ARSB: variants seen among roughly 807,000 people sequenced by gnomAD.
ARSB encodes the protein N-acetylgalactosamine-4-sulfatase.
In ARSB, 41 loss-of-function variants were observed where a neutral mutation model predicts 50.9. The observed-to-expected ratio is 0.81, with a 90% CI of 0.63 to 1.04. ARSB has a LOEUF of 1.04. Ranked by LOEUF, ARSB falls within the 50% of genes least tolerant of loss-of-function variation. The probability of loss-of-function intolerance (pLI) is 0.00; values close to 1 mark genes in which losing one functional copy is unlikely to be tolerated. For missense variants in ARSB, 672 were observed against 693.3 expected, an observed-to-expected ratio of 0.97 and a Z score of 0.35; for synonymous variants, 269 against 284.8, an observed-to-expected ratio of 0.94 and a Z score of 0.56.
intron 2 of ARSB, among the ~76,000 whole-genome samples, chr5:78,965,067 AG>A (rs1190305381): frequency 2.8e-4 from 43 of 152,330 alleles, no homozygotes; most frequent in African/African-American, 9.6e-4. Flanking sequence ...AAGTGGTTCT[AG>A]GAAGAGTCAT....
intron 4 of ARSB, among the ~76,000 whole-genome samples, chr5:78,889,390 A>G (rs1748179711): frequency 6.6e-6 from 1 of 152,238 alleles, no homozygotes; most frequent in Non-Finnish European, 1.5e-5. Flanking sequence ...CTTGTTAAGA[A>G]TTCATATTCA....
rs1554074343 is a variant in ARSB at position 78,841,168 on chromosome 5, C to CTAATAA, written c.1143-1748_1143-1743dup. On this transcript the variant is annotated intron_variant, in intron 5 of 7. Transcript: ENST00000264914. ...ACTACTACTACTACTACTACTACTA[C>CTAATAA]TAATAATAATAATAATTTGAGCATG... Among the ~76,000 whole-genome samples the CTAATAA allele has an allele frequency of 8.0e-3, 1,055 of 131,978 alleles. 13 individuals are homozygous for CTAATAA. The highest frequency in any genetic ancestry group is 0.023 in the African/African-American group (808 of 35,050). 86.6% of individuals were successfully genotyped at this position (131,978 alleles called of 152,430 possible).
chr5:78,866,654 T>TGGGCAGCTGAGATGCTGAGAGAG (rs1746758037), intron 5 of ARSB, among the ~76,000 whole-genome samples: 1 of 152,088 alleles, frequency 6.6e-6, no homozygotes, highest in African/African-American at 2.4e-5. Flanking sequence ...GTGGCTGCCT[T>TGGGCAGCTGAGATGCTGAGAGAG]GGGCAGCTGA....
chr5:78,906,010 C>G (rs6865582), intron 4 of ARSB, among the ~76,000 whole-genome samples: 66,957 of 151,040 alleles, frequency 0.44, 15,170 homozygotes, highest in East Asian at 0.52. Context: ...TAGGTGCCTG[C>G]ACCCCACCAC....
At chr5:78,936,129 C>CTT (rs56884992) in intron 4 of ARSB, among the ~76,000 whole-genome samples, 3,306 of 88,918 alleles carry the variant, frequency 0.037, 298 homozygotes, top group African/African-American at 0.15. Flanking sequence ...CTCTCTCTCT[C>CTT]TTTTTTTTTT....
chr5:78,897,318 A>G (rs552461887), intron 4 of ARSB, among the ~76,000 whole-genome samples: 63 of 152,256 alleles, frequency 4.1e-4, no homozygotes, highest in Non-Finnish European at 6.8e-4. Flanking sequence ...CTCACTAACT[A>G]TCAGTAACAC....
At chr5:78,847,094 T>A (rs1200361125) in intron 5 of ARSB, among the ~76,000 whole-genome samples, 1 of 152,190 alleles carries the variant, frequency 6.6e-6, no homozygotes, top group East Asian at 1.9e-4. Flanking sequence ...AACTTTGGGA[T>A]AAATCCCACT....
At chr5:78,802,103 A>G (rs946026322) in intron 6 of ARSB, among the ~76,000 whole-genome samples, 2 of 151,972 alleles carry the variant, frequency 1.3e-5, no homozygotes, top group Admixed American at 6.5e-5. Context: ...TCCCTGCTGC[A>G]AAGGTCTTTG....
At chr5:78,882,017 T>C (rs1049089110) in intron 5 of ARSB, among the ~76,000 whole-genome samples, 3 of 152,250 alleles carry the variant, frequency 2.0e-5, no homozygotes, top group East Asian at 1.9e-4. Flanking sequence ...GCTAATAGCC[T>C]GAGTGGGGAA....
intron 5 of ARSB, among the ~76,000 whole-genome samples, chr5:78,866,502 T>A (rs1161958729): frequency 6.6e-6 from 1 of 152,118 alleles, no homozygotes; most frequent in East Asian, 1.9e-4. Flanking sequence ...TCTGATAAGA[T>A]AAACTCCAGA....
chr5:78,908,208 G>T (rs938333645), intron 4 of ARSB, among the ~76,000 whole-genome samples: 1 of 152,130 alleles, frequency 6.6e-6, no homozygotes, highest in Non-Finnish European at 1.5e-5. Context: ...TATCATACTT[G>T]TGCCTCTCAC....
At chr5:78,927,850 G>A (rs1446762105) in intron 4 of ARSB, among the ~76,000 whole-genome samples, 1 of 152,124 alleles carries the variant, frequency 6.6e-6, no homozygotes, top group Non-Finnish European at 1.5e-5. Context: ...AGACAGCAGG[G>A]GGCCAGAAAA....
At chr5:78,856,244 G>C (rs535584812) in intron 5 of ARSB, among the ~76,000 whole-genome samples, 1 of 152,006 alleles carries the variant, frequency 6.6e-6, no homozygotes, top group Non-Finnish European at 1.5e-5. Flanking sequence ...ACTGCTCTCT[G>C]GCCTTGTTAT....
In ARSB at chr5:78,969,050, C is replaced by A. The variant is rs776814144; in HGVS notation, c.455G>T (p.Arg152Leu). Residue 152 changes from arginine (R) to leucine (L), a missense_variant, in exon 2 of 8, where the codon CGG becomes CTG. Coordinates refer to ENST00000264914, the MANE Select transcript of ARSB (RefSeq NM_000046.5). ...TCGGCGGGTTGGAAGGCATTCTTTC[C>A]GGTACATTCCCAGGTGCCATTTTCC... The part of the protein sequence containing the change: ...MVGKWHLGMY[R>L]KECLPTRRGF... 1.2e-6 allele frequency: 2 copies of A among 1,614,052 alleles called. No individual in the cohort carries two copies. Among genetic ancestry groups the A allele is most frequent in the African/African-American group, 2.7e-5 (2 of 74,914 alleles).
chr5:78,922,202 T>TG (rs1303788425), intron 4 of ARSB, among the ~76,000 whole-genome samples: 111 of 37,212 alleles, frequency 3.0e-3, no homozygotes, highest in Admixed American at 9.1e-3. Context: ...GTGGATTTGG[T>TG]GGGGGGGGAG....
intron 6 of ARSB, among the ~76,000 whole-genome samples, chr5:78,801,345 G>A (rs747043288): frequency 1.3e-4 from 20 of 152,130 alleles, no homozygotes; most frequent in Admixed American, 5.2e-4. Context: ...GAGCCTAGTC[G>A]GGGAAGTACT....
chr5:78,924,150 T>C (rs1317124105), intron 4 of ARSB, among the ~76,000 whole-genome samples: 1 of 152,230 alleles, frequency 6.6e-6, no homozygotes, highest in Non-Finnish European at 1.5e-5. Flanking sequence ...TAATAATAGC[T>C]GTATTTATTA....
At chr5:78,925,387 TATAAGCTGA>T (rs1434701630) in intron 4 of ARSB, among the ~76,000 whole-genome samples, 2 of 152,046 alleles carry the variant, frequency 1.3e-5, no homozygotes, top group African/African-American at 2.4e-5. Flanking sequence ...TCCTCACAAA[TATAAGCTGA>T]CAAAGCAGTG....
At chr5:78,847,129 A>C (rs10942872) in intron 5 of ARSB, among the ~76,000 whole-genome samples, 19,133 of 152,044 alleles carry the variant, frequency 0.13, 1,411 homozygotes, top group Middle Eastern at 0.21. Context: ...GATCTTTTAA[A>C]TTTATTTTTA....
Sources: allele counts gnomAD v4.1 joint callset (sites outside exome capture counted in the v4.1 genomes callset), GRCh38; gene constraint gnomAD v4.1.1; transcripts MANE v1.5; gene names NCBI Gene and HGNC (gene_info 2026-07-23, HGNC 2026-07-21).